Variants in RASEF observed in about 807,000 individuals in gnomAD.
RASEF encodes ras and EF-hand domain-containing protein.
RASEF carries 68 observed loss-of-function variants against 90.1 expected under a neutral mutation model. The observed-to-expected ratio is 0.75, with a 90% confidence interval of 0.62 to 0.92. The LOEUF (loss-of-function observed/expected upper bound fraction) is 0.92. Among genes scored for constraint, RASEF ranks in the 40% least tolerant of loss-of-function variants. The pLI, the probability that RASEF is intolerant of heterozygous loss-of-function variation, is 0.00. For synonymous variants in RASEF, 331 were observed against 345.2 expected (o/e 0.96, Z 0.46); for missense variants, 949 against 937.2 (o/e 1.01, Z -0.16).
the RASEF span, among the ~76,000 whole-genome samples, chr9:83,210,276 T>C: frequency 6.6e-6 from 1 of 152,214 alleles, no homozygotes; most frequent in Admixed American, 6.5e-5. Context: ...TTGAAACCCT[T>C]CATGCACTTC....
the RASEF span, among the ~76,000 whole-genome samples, chr9:83,103,117 C>T: frequency 6.6e-6 from 1 of 152,150 alleles, no homozygotes; most frequent in Non-Finnish European, 1.5e-5. Context: ...GTCAAATACC[C>T]AAGGCAGCAG....
chr9:83,214,461 C>T, the RASEF span, among the ~76,000 whole-genome samples: 2 of 151,972 alleles, frequency 1.3e-5, no homozygotes, highest in African/African-American at 4.8e-5. Flanking sequence ...GTCAGGCAAA[C>T]AATTTTGGGT....
chr9:83,069,168 C>T, the RASEF span, among the ~76,000 whole-genome samples: 3 of 152,142 alleles, frequency 2.0e-5, no homozygotes, highest in African/African-American at 7.2e-5. Context: ...ATTTCTTAAT[C>T]ACTTTTAATG....
the RASEF span, among the ~76,000 whole-genome samples, chr9:83,137,426 G>C: frequency 1.5e-4 from 23 of 152,158 alleles, no homozygotes; most frequent in Non-Finnish European, 2.9e-4. Context: ...GTTAGAAGTT[G>C]TGAAATATCT....
chr9:83,194,295 A>T, the RASEF span, among the ~76,000 whole-genome samples: 1 of 151,938 alleles, frequency 6.6e-6, no homozygotes, highest in Non-Finnish European at 1.5e-5. Flanking sequence ...CTTGTTTTTC[A>T]TGACCTTGAC....
At chr9:83,146,597 A>G in the RASEF span, among the ~76,000 whole-genome samples, 3 of 151,942 alleles carry the variant, frequency 2.0e-5, no homozygotes, top group Non-Finnish European at 4.4e-5. Context: ...AAAGTTGAAA[A>G]CTCTTATCGA....
At position 82,992,966 on chromosome 9, in the gene RASEF, G is replaced by A; in HGVS notation, c.1980C>T (p.Asp660=). Residue 660 remains aspartate, a synonymous_variant, in exon 15 of 17, where the codon GAC becomes GAT. Coordinates refer to ENST00000376447, the MANE Select transcript of RASEF (RefSeq NM_152573.4). ...MLVGNKADIR[D]TAATEGQKCV... ...ATTTTTGTCCCTCTGTAGCAGCAGT[G>A]TCACGAATGTCAGCCTTGTTTCCTA... 5 of 1,613,836 alleles carry A rather than the reference G, an allele frequency of 3.1e-6. No homozygotes were observed. Among genetic ancestry groups the A allele is most frequent in the Non-Finnish European group, 4.2e-6 (5 of 1,179,818 alleles).
At chr9:83,133,818 A>C in the RASEF span, among the ~76,000 whole-genome samples, 4 of 152,232 alleles carry the variant, frequency 2.6e-5, no homozygotes, top group Non-Finnish European at 4.4e-5. Context: ...CTGAGGTTCC[A>C]ATATGGCTCA....
At chr9:83,163,655 G>T in the RASEF span, among the ~76,000 whole-genome samples, 6 of 152,222 alleles carry the variant, frequency 3.9e-5, no homozygotes, top group East Asian at 1.2e-3. Flanking sequence ...CTCAATCAAT[G>T]CTTCCAAAAC....
chr9:83,037,423 A>G (rs1183835678), intron 1 of RASEF, among the ~76,000 whole-genome samples: 2 of 150,418 alleles, frequency 1.3e-5, no homozygotes, highest in Non-Finnish European at 2.9e-5. Context: ...AGAACATACA[A>G]TCTTATTACG....
At chr9:83,088,768 G>A in the RASEF span, among the ~76,000 whole-genome samples, 1 of 151,886 alleles carries the variant, frequency 6.6e-6, no homozygotes, top group Non-Finnish European at 1.5e-5. Flanking sequence ...TGTTTGCATG[G>A]TATATCTTTT....
intron 2 of RASEF, 32 bp from the exon 3 acceptor site, chr9:83,022,458 T>A: frequency 6.7e-7 from 1 of 1,486,452 alleles, no homozygotes; most frequent in Non-Finnish European, 9.4e-7. Context: ...ACCTTTTCAT[T>A]ATACTCTTGA....
the RASEF span, among the ~76,000 whole-genome samples, chr9:83,140,720 A>C: frequency 2.0e-5 from 3 of 152,218 alleles, no homozygotes; most frequent in East Asian, 3.8e-4. Context: ...TGCAGAGAAA[A>C]ATTATTCTTG....
intron 2 of RASEF, 57 bp from the exon 3 acceptor site, chr9:83,022,483 GAGAAAC>G: frequency 7.8e-7 from 1 of 1,284,508 alleles, no homozygotes; most frequent in Non-Finnish European, 1.1e-6. Flanking sequence ...GAAACATGAA[GAGAAAC>G]TTCAGATTCA....
chr9:83,031,710 T>C (rs574345258), intron 1 of RASEF, among the ~76,000 whole-genome samples: 18 of 152,344 alleles, frequency 1.2e-4, no homozygotes, highest in African/African-American at 4.3e-4. Context: ...GGACATGTTT[T>C]ATTGCTACAA....
intron 13 of RASEF, 136 bp downstream of exon 13, chr9:82,998,229 A>G: frequency 1.8e-6 from 1 of 546,140 alleles, no homozygotes; most frequent in Non-Finnish European, 3.3e-6. Context: ...ACATTTTATA[A>G]TTATACATGT....
At chr9:83,132,683 C>T in the RASEF span, among the ~76,000 whole-genome samples, 1 of 152,160 alleles carries the variant, frequency 6.6e-6, no homozygotes, top group Non-Finnish European at 1.5e-5. Context: ...ATCTTCAAGA[C>T]TGACATTAGT....
At chr9:83,173,666 T>G in the RASEF span, among the ~76,000 whole-genome samples, 1 of 151,928 alleles carries the variant, frequency 6.6e-6, no homozygotes, top group African/African-American at 2.4e-5. Flanking sequence ...TGAAGTTCAC[T>G]GAGCTTCCTC....
At position 83,000,573 on chromosome 9, in the gene RASEF, A is replaced by G; in HGVS notation, c.1438-3T>C. Reference sequence around the variant, plus strand: ...TCTTCATCCCTTATGTCAGGAACCTATTTTTTTTAAAATGTCAGCAGTTAA... The same window carrying G: ...TCTTCATCCCTTATGTCAGGAACCTGTTTTTTTTAAAATGTCAGCAGTTAA... On this transcript the variant is annotated splice_region_variant and splice_polypyrimidine_tract_variant and intron_variant, in intron 10 of 16. Transcript: ENST00000376447. The G allele has an allele frequency of 6.3e-7, 1 of 1,580,204 alleles. No homozygotes were observed. Among genetic ancestry groups the G allele is most frequent in the Non-Finnish European group, 8.6e-7 (1 of 1,167,242 alleles).
Sources: allele counts gnomAD v4.1 joint callset (sites outside exome capture counted in the v4.1 genomes callset), GRCh38; gene constraint gnomAD v4.1.1; transcripts MANE v1.5; gene names NCBI Gene and HGNC (gene_info 2026-07-23, HGNC 2026-07-21).